TNFSF11: variants seen among roughly 807,000 people sequenced by gnomAD.
TNFSF11 encodes the protein tumor necrosis factor ligand superfamily member 11.
In TNFSF11, 12 loss-of-function variants were observed where a neutral mutation model predicts 32.2. That is an observed-to-expected ratio of 0.37 (90% CI 0.24 to 0.60). The LOEUF is 0.60. TNFSF11 is among the 20% of genes least tolerant of loss of function. The pLI, the probability that TNFSF11 is intolerant of heterozygous loss-of-function variation, is 0.66. For missense variants in TNFSF11, 345 were observed against 398.0 expected, an observed-to-expected ratio of 0.87 and a Z score of 1.13; for synonymous variants, 172 against 152.1, an observed-to-expected ratio of 1.13 and a Z score of -0.96.
Position 42,574,404 on chromosome 13 carries a change from C to G in TNFSF11, c.101C>G (p.Pro34Arg), listed in dbSNP as rs199558758. The G allele has an allele frequency of 3.2e-4, 492 of 1,560,910 alleles. 4 individuals carry two copies. In the African/African-American group the frequency reaches 6.1e-3, roughly 19 times the overall value. Residue 34 changes from proline to arginine, a missense_variant, in exon 1 of 5, where the codon CCG (proline) becomes CGG (arginine). Physicochemically the swap from Pro to Arg is moderately radical, Grantham distance 103. This residue lies in a region of TNFSF11 where 197 missense variants were observed against 182.0 expected (regional missense o/e 1.08). Coordinates refer to ENST00000398795, the MANE Select transcript of TNFSF11 (RefSeq NM_003701.4). ...APHEGPLHAP[P>R]PPAPHQPPAA... Reference sequence around the variant, plus strand: ...CACGAGGGCCCCCTGCACGCCCCGCCGCCGCCTGCGCCGCACCAGCCCCCT... The same window carrying G: ...CACGAGGGCCCCCTGCACGCCCCGCGGCCGCCTGCGCCGCACCAGCCCCCT...
chr13:42,591,561 A>G (rs1478889883), intron 2 of TNFSF11, among the ~76,000 whole-genome samples: 1 of 152,136 alleles, frequency 6.6e-6, no homozygotes, highest in African/African-American at 2.4e-5. Context: ...AACTCAATGA[A>G]TCCTGCTCTT....
rs2137916824 is a variant in TNFSF11 at position 42,606,920 on chromosome 13, C to A, written c.*2C>A. On this transcript the variant is annotated 3_prime_UTR_variant, in exon 5 of 5. Transcript: ENST00000398795. ...TTTAAAGTTCGAGATATAGATTGAG[C>A]CCCAGTTTTTGGAGTGTTATGTATT... The A allele has an allele frequency of 6.2e-7, 1 of 1,614,112 alleles. No homozygotes were observed. The highest frequency in any genetic ancestry group is 8.5e-7 in the Non-Finnish European group (1 of 1,180,010).
chr13:42,583,444 G>GAAAAAAAAAAAAA lies in TNFSF11; in HGVS notation c.387+2153_387+2154insAAAAAAAAAAAAA, dbSNP rs71202227. 1.4e-3 allele frequency among the ~76,000 whole-genome samples: 129 copies of GAAAAAAAAAAAAA among 95,546 alleles called. 7 individuals are homozygous for GAAAAAAAAAAAAA. The highest frequency in any genetic ancestry group is 4.6e-3 in the African/African-American group (98 of 21,498). The allele number at this position is 95,546 out of a possible 152,430, so 62.7% of individuals were successfully genotyped here. ...AAAAAAAAAAAAAAAAAAAAGAAAG[G>GAAAAAAAAAAAAA]AAGAAAGGAAGGAAGGAAAAAGATT... On this transcript the variant is annotated intron_variant, in intron 2 of 4. Transcript: ENST00000398795.
At chr13:42,600,637 G>C in intron 2 of TNFSF11, 115 bp from the exon 3 acceptor site, 2 of 1,137,460 alleles carry the variant, frequency 1.8e-6, no homozygotes, top group Non-Finnish European at 2.5e-6. Flanking sequence ...TGTTACTATG[G>C]CACCTTTGGA....
chr13:42,605,273 A>G (rs1463772338), intron 4 of TNFSF11, among the ~76,000 whole-genome samples: 2 of 151,952 alleles, frequency 1.3e-5, no homozygotes, highest in African/African-American at 4.8e-5. Context: ...GGCTGCAGGA[A>G]CTCTCTCAAC....
chr13:42,575,831 A>G (rs577057585), intron 1 of TNFSF11, among the ~76,000 whole-genome samples: 1 of 152,380 alleles, frequency 6.6e-6, no homozygotes, highest in South Asian at 2.1e-4. Context: ...TAACAAATCT[A>G]TATGAAAGTG....
chr13:42,571,060 G>T (rs1163450558), upstream of TNFSF11, among the ~76,000 whole-genome samples: 1 of 152,094 alleles, frequency 6.6e-6, no homozygotes, highest in Non-Finnish European at 1.5e-5. Context: ...CTAGCCCAGT[G>T]CTGGCATATA....
intron 2 of TNFSF11, among the ~76,000 whole-genome samples, chr13:42,568,975 G>T (rs188543347): frequency 6.6e-6 from 1 of 152,228 alleles, no homozygotes; most frequent in African/African-American, 2.4e-5. Context: ...TAACTGAAAA[G>T]ACTTTAATTT....
chr13:42,586,030 T>C (rs1002468803), intron 2 of TNFSF11, among the ~76,000 whole-genome samples: 1 of 152,276 alleles, frequency 6.6e-6, no homozygotes. Flanking sequence ...TCTGTATATG[T>C]ATTTTTTAAT....
In TNFSF11 at chr13:42,606,489, C is replaced by T. The variant is rs1869458758; in HGVS notation, c.533-8C>T. 1.2e-6 allele frequency: 2 copies of T among 1,614,086 alleles called. No homozygotes were observed. Among genetic ancestry groups the T allele is most frequent in the Admixed American group, 1.7e-5 (1 of 60,004 alleles). On this transcript the variant is annotated splice_region_variant and splice_polypyrimidine_tract_variant and intron_variant, in intron 4 of 4. Transcript: ENST00000398795. ...GACTTTCAAATCTTATGCCTCTCTT[C>T]TCCACAGGTTCCCATAAAGTGAGTC...
At chr13:42,606,346 C>A in intron 4 of TNFSF11, 151 bp from the exon 5 acceptor site, 1 of 951,684 alleles carries the variant, frequency 1.1e-6, no homozygotes, top group Non-Finnish European at 1.6e-6. Context: ...TGAATGTATT[C>A]TCCCCTTCTA....
At chr13:42,590,396 C>G (rs899848387) in intron 2 of TNFSF11, among the ~76,000 whole-genome samples, 1 of 152,162 alleles carries the variant, frequency 6.6e-6, no homozygotes, top group Admixed American at 6.5e-5. Flanking sequence ...CGTTAGGGAC[C>G]TTGGGGTTGG....
intron 1 of TNFSF11, among the ~76,000 whole-genome samples, chr13:42,579,499 T>C (rs958797675): frequency 2.0e-5 from 3 of 151,876 alleles, no homozygotes; most frequent in Non-Finnish European, 4.4e-5. Context: ...TCTTAGCTTG[T>C]CAGCAGGACT....
At chr13:42,594,337 C>G (rs530962003) in intron 2 of TNFSF11, among the ~76,000 whole-genome samples, 2 of 151,954 alleles carry the variant, frequency 1.3e-5, no homozygotes, top group East Asian at 3.9e-4. Flanking sequence ...CTTGCCTCAG[C>G]CTCCGAAAGT....
intron 2 of TNFSF11, 69 bp from the exon 3 acceptor site, chr13:42,600,683 C>T: frequency 1.3e-6 from 2 of 1,483,958 alleles, no homozygotes; most frequent in South Asian, 1.2e-5. Flanking sequence ...TATGTAACAG[C>T]CCTGAATTCT....
chr13:42,594,590 G>A (rs1868692078), intron 2 of TNFSF11, among the ~76,000 whole-genome samples: 1 of 152,172 alleles, frequency 6.6e-6, no homozygotes, highest in Non-Finnish European at 1.5e-5. Context: ...TAAAGGAGTT[G>A]AAAATACTCC....
chr13:42,590,969 G>A (rs1029759552), intron 2 of TNFSF11, among the ~76,000 whole-genome samples: 1 of 152,204 alleles, frequency 6.6e-6, no homozygotes. Flanking sequence ...TTGCAAAAAC[G>A]AGTCTCTTCC....
upstream of TNFSF11, among the ~76,000 whole-genome samples, chr13:42,573,988 T>A (rs1390394143): frequency 6.6e-6 from 1 of 151,934 alleles, no homozygotes; most frequent in Non-Finnish European, 1.5e-5. Context: ...AGGGCCCCCA[T>A]GAAGGAGGCC....
At chr13:42,581,338 C>T (rs1873606547) in intron 2 of TNFSF11, 45 bp downstream of exon 2, 1 of 1,605,298 alleles carries the variant, frequency 6.2e-7, no homozygotes, top group Non-Finnish European at 8.5e-7. Flanking sequence ...CTTGCTGACT[C>T]TACCAATACT....
Sources: gnomAD v4.1 joint callset for allele counts (sites outside exome capture counted in the v4.1 genomes callset) on GRCh38, gnomAD v4.1.1 for gene constraint, gnomAD v4.1.1 regional missense constraint, MANE v1.5 for transcripts, NCBI Gene and HGNC (gene_info 2026-07-23, HGNC 2026-07-21) for gene names.